LRIF1: variants seen among roughly 807,000 people sequenced by gnomAD.
LRIF1 encodes ligand dependent nuclear receptor interacting factor 1.
In LRIF1, 32 loss-of-function variants were observed where a neutral mutation model predicts 52.7. The observed-to-expected ratio is 0.61, with a 90% confidence interval of 0.46 to 0.82. The LOEUF is 0.82. Ranked by LOEUF, LRIF1 falls within the 40% of genes least tolerant of loss-of-function variation. LRIF1 has a pLI of 0.00. For missense variants in LRIF1, 887 were observed against 892.0 expected (o/e 0.99, Z 0.07); for synonymous variants, 323 against 317.4 (o/e 1.02, Z -0.19).
At chr1:110,941,271 C>T in the LRIF1 span, 2 of 151,960 alleles carry the variant, frequency 1.3e-5, no homozygotes, top group Non-Finnish European at 2.9e-5. Context: ...CAGATATAGT[C>T]ACATGTATAT....
At chr1:110,949,335 G>C (rs1658358806) in intron 3 of LRIF1, among the ~76,000 whole-genome samples, 1 of 151,614 alleles carries the variant, frequency 6.6e-6, no homozygotes. Context: ...GGCCAAGATG[G>C]TCTCGATCTC....
the LRIF1 span, among the ~76,000 whole-genome samples, chr1:110,934,887 A>G: frequency 1.3e-5 from 2 of 152,308 alleles, 1 homozygote; most frequent in East Asian, 3.9e-4. Flanking sequence ...AGTGAGATCC[A>G]GTGCTATGCT....
chr1:110,956,324 TCATCCAGGGTTGGGGTGG>T (rs1658700037), intron 1 of LRIF1, among the ~76,000 whole-genome samples: 1 of 152,188 alleles, frequency 6.6e-6, no homozygotes, highest in Non-Finnish European at 1.5e-5. Flanking sequence ...CATACTGAGT[TCATCCAGGGTTGGGGTGG>T]CATCAGGAAG....
the LRIF1 span, chr1:110,894,526 G>A: frequency 1.3e-6 from 1 of 754,920 alleles, no homozygotes; most frequent in South Asian, 1.6e-5. Context: ...GAAGGATAGA[G>A]GAAACAGAGA....
chr1:110,910,393 G>A, the LRIF1 span, among the ~76,000 whole-genome samples: 2 of 151,962 alleles, frequency 1.3e-5, no homozygotes, highest in East Asian at 1.9e-4. Context: ...GAGGTCAGGA[G>A]TTCAAGACCA....
At chr1:110,934,524 G>A in the LRIF1 span, among the ~76,000 whole-genome samples, 7 of 152,286 alleles carry the variant, frequency 4.6e-5, no homozygotes, top group East Asian at 1.4e-3. Context: ...ACAAGCTCTT[G>A]GGCCTTAAGA....
At chr1:110,877,341 G>A in the LRIF1 span, among the ~76,000 whole-genome samples, 4 of 152,192 alleles carry the variant, frequency 2.6e-5, no homozygotes. Flanking sequence ...TGCTTAATCT[G>A]AGCATAGCCA....
chr1:110,920,153 T>C, the LRIF1 span, among the ~76,000 whole-genome samples: 3 of 152,224 alleles, frequency 2.0e-5, no homozygotes, highest in Non-Finnish European at 4.4e-5. Flanking sequence ...AAACTGAGCA[T>C]GCTCTTACCG....
the LRIF1 span, among the ~76,000 whole-genome samples, chr1:110,934,783 G>A: frequency 6.6e-6 from 1 of 152,182 alleles, no homozygotes; most frequent in Non-Finnish European, 1.5e-5. Context: ...AACCTAAAGG[G>A]AAGGAGGCGG....
At chr1:110,957,538 T>C (rs933508194) in intron 1 of LRIF1, among the ~76,000 whole-genome samples, 3 of 150,368 alleles carry the variant, frequency 2.0e-5, no homozygotes, top group Admixed American at 1.3e-4. Flanking sequence ...ACTATCTTCT[T>C]TGGAATAATG....
At position 110,952,311 on chromosome 1, in the gene LRIF1, A is replaced by G; in HGVS notation, c.573T>C (p.Ala191=). 1.2e-6 allele frequency: 2 copies of G among 1,614,162 alleles called. No homozygotes were observed. The highest frequency in any genetic ancestry group is 1.1e-5 in the South Asian group (1 of 91,090). Residue 191 remains alanine (A), a synonymous_variant, in exon 2 of 4, where the codon GCT becomes GCC. Coordinates refer to ENST00000369763, the MANE Select transcript of LRIF1 (RefSeq NM_018372.4). ...ATGACGCTGGTACAGATTTCACTTC[A>G]GCATGGGCTGGAATCTGTAAATGAT... ...SGHHLQIPAH[A]EVKSVPASSL... is the part of the protein sequence containing the mutation.
Position 110,952,179 on chromosome 1 carries a change from T to TA in LRIF1, c.704dup (p.Asn236LysfsTer61). The TA allele has an allele frequency of 1.2e-6, 2 of 1,614,222 alleles. No individual in the cohort carries two copies. The highest frequency in any genetic ancestry group is 8.5e-7 in the Non-Finnish European group (1 of 1,180,026). Reference sequence around the variant, plus strand: ...TGGTAACTACATTTTTCACTGTATTTACAGGAGATACATAAATAACGGTTG... The same window carrying TA: ...TGGTAACTACATTTTTCACTGTATTTAACAGGAGATACATAAATAACGGTTG... On this transcript the variant is annotated frameshift_variant, in exon 2 of 4. Transcript: ENST00000369763. LOFTEE classifies it high-confidence loss of function.
the LRIF1 span, among the ~76,000 whole-genome samples, chr1:110,876,520 T>A: frequency 6.6e-6 from 1 of 152,190 alleles, no homozygotes; most frequent in East Asian, 1.9e-4. Flanking sequence ...GAGAACTAGA[T>A]TGAGGAATAG....
At chr1:110,891,378 T>C in the LRIF1 span, 2 of 1,579,472 alleles carry the variant, frequency 1.3e-6, no homozygotes, top group South Asian at 1.1e-5. Flanking sequence ...ACTTTCTTCT[T>C]CCTTATTCCT....
At chr1:110,877,117 C>T in the LRIF1 span, among the ~76,000 whole-genome samples, 2 of 152,166 alleles carry the variant, frequency 1.3e-5, no homozygotes, top group South Asian at 2.1e-4. Flanking sequence ...TTTCTAGTCA[C>T]GCATTGCCTT....
downstream of LRIF1, among the ~76,000 whole-genome samples, chr1:110,943,201 T>C (rs1396278513): frequency 6.6e-6 from 1 of 152,172 alleles, no homozygotes; most frequent in African/African-American, 2.4e-5. Flanking sequence ...AATATGATAG[T>C]TATTGGAGAC....
the LRIF1 span, chr1:110,939,398 A>AAAAAAAT: frequency 6.6e-6 from 1 of 150,638 alleles, no homozygotes; most frequent in East Asian, 1.9e-4. Flanking sequence ...AAAAAAAAAA[A>AAAAAAAT]GTCCAAACTA....
At chr1:110,905,590 T>C in the LRIF1 span, among the ~76,000 whole-genome samples, 2 of 151,526 alleles carry the variant, frequency 1.3e-5, no homozygotes, top group Admixed American at 6.6e-5. Context: ...AAACAAAAGC[T>C]GAGGGATTTC....
the LRIF1 span, chr1:110,897,785 A>T: frequency 2.8e-6 from 4 of 1,433,894 alleles, no homozygotes; most frequent in Non-Finnish European, 3.9e-6. Flanking sequence ...GAGTAGTATC[A>T]TTTGTAACTG....
Sources: allele counts gnomAD v4.1 joint callset (sites outside exome capture counted in the v4.1 genomes callset), GRCh38; gene constraint gnomAD v4.1.1; transcripts MANE v1.5; gene names NCBI Gene and HGNC (gene_info 2026-07-23, HGNC 2026-07-21).